The following ZNF131 variants were observed in gnomAD, a reference collection of about 807,000 sequenced individuals.
ZNF131 encodes zinc finger and BTB domain containing 35, also known as zinc finger protein 131.
In ZNF131, 7 loss-of-function variants were observed where a neutral mutation model predicts 60.0. That is an observed-to-expected ratio of 0.12 (90% CI 0.07 to 0.22). The LOEUF is 0.22. Ranked by LOEUF, ZNF131 falls within the 10% of genes least tolerant of loss-of-function variation. The probability of loss-of-function intolerance (pLI) is 1.00; values close to 1 mark genes in which losing one functional copy is unlikely to be tolerated. For synonymous variants in ZNF131, 257 were observed against 253.2 expected (o/e 1.01, Z -0.14); for missense variants, 493 against 740.9 (o/e 0.67, Z 3.88).
intron 2 of ZNF131, 130 bp from the exon 3 acceptor site, chr5:43,123,079 A>T (rs1272613143): frequency 9.4e-6 from 6 of 635,444 alleles, no homozygotes; most frequent in Non-Finnish European, 1.6e-5. Context: ...CATTTAGTTC[A>T]ATAATTTCTG....
At chr5:43,155,232 A>G (rs1477775418) in intron 4 of ZNF131, among the ~76,000 whole-genome samples, 2 of 152,210 alleles carry the variant, frequency 1.3e-5, no homozygotes, top group Non-Finnish European at 2.9e-5. Context: ...CTATTTGACA[A>G]GTGACACTTG....
intron 4 of ZNF131, among the ~76,000 whole-genome samples, chr5:43,143,898 C>CTTTTTTGTT (rs1747191010): frequency 2.9e-5 from 1 of 34,974 alleles, no homozygotes; most frequent in Non-Finnish European, 5.0e-5. Context: ...ATTGTCAGAG[C>CTTTTTTGTT]TTTTTTTTTT....
intron 5 of ZNF131, among the ~76,000 whole-genome samples, chr5:43,170,015 C>A (rs569474899): frequency 6.6e-6 from 1 of 152,228 alleles, no homozygotes; most frequent in South Asian, 2.1e-4. Flanking sequence ...TGGTCTCAAA[C>A]TCCTGACCTT....
At chr5:43,162,520 AG>A in intron 5 of ZNF131, among the ~76,000 whole-genome samples, 1 of 148,152 alleles carries the variant, frequency 6.7e-6, no homozygotes, top group Middle Eastern at 3.4e-3. Flanking sequence ...TGAACCCGGG[AG>A]GCAGAGGTTG....
At position 43,154,757 on chromosome 5, in the gene ZNF131, C is replaced by G. The variant is rs145475818; in HGVS notation, c.372-6492C>G. On this transcript the variant is annotated intron_variant, in intron 4 of 6. Transcript: ENST00000682664. The stretch of plus-strand genomic sequence containing the variant: ...GGTTAGCATCTTGATTCCAGTTGGT[C>G]TCATTAGAGAATAGTCCCTTATCTT... Among the ~76,000 whole-genome samples the G allele has an allele frequency of 4.9e-3, 744 of 152,292 alleles. 4 individuals are homozygous for G. The highest frequency in any genetic ancestry group is 0.017 in the African/African-American group (719 of 41,550).
Position 43,170,599 on chromosome 5 carries a change from C to T in ZNF131, c.1055-2719C>T, listed in dbSNP as rs116432694. Among the ~76,000 whole-genome samples, 793 of 152,200 alleles carry T rather than the reference C, an allele frequency of 5.2e-3. 3 individuals carry two copies. Among genetic ancestry groups the T allele is most frequent in the African/African-American group, 0.018 (762 of 41,526 alleles). Reference sequence around the variant, plus strand: ...TCCAGCAGATTACTTATCTTCCAACCCCCAACTTACCTGTAACAGCATTCA... The same window carrying T: ...TCCAGCAGATTACTTATCTTCCAACTCCCAACTTACCTGTAACAGCATTCA... On this transcript the variant is annotated intron_variant, in intron 5 of 6. Coordinates refer to ENST00000682664, the MANE Select transcript of ZNF131 (RefSeq NM_001330707.2).
chr5:43,173,547 GC>G, intron 6 of ZNF131, 99 bp downstream of exon 6: 1 of 1,398,080 alleles, frequency 7.2e-7, no homozygotes, highest in Non-Finnish European at 9.5e-7. Context: ...AGGTATAGGG[GC>G]TGACGGTTTG....
chr5:43,141,528 G>C (rs992938549), intron 4 of ZNF131, among the ~76,000 whole-genome samples: 6 of 152,062 alleles, frequency 3.9e-5, no homozygotes, highest in Non-Finnish European at 7.4e-5. Context: ...AGCACTTTGG[G>C]AGGCCAAGGT....
chr5:43,170,731 C>T (rs1323990690), intron 5 of ZNF131, among the ~76,000 whole-genome samples: 2 of 150,500 alleles, frequency 1.3e-5, no homozygotes, highest in Admixed American at 1.3e-4. Context: ...CTCCCAGGTT[C>T]AAGTGATTCT....
At chr5:43,122,269 T>C (rs11287008) in intron 2 of ZNF131, 92 bp downstream of exon 2, 1 of 1,096,116 alleles carries the variant, frequency 9.1e-7, no homozygotes, top group Non-Finnish European at 1.3e-6. Context: ...TTTTTTTTTT[T>C]AACCCATCCT....
At chr5:43,131,200 G>T (rs945171385) in intron 3 of ZNF131, among the ~76,000 whole-genome samples, 19 of 151,174 alleles carry the variant, frequency 1.3e-4, no homozygotes, top group African/African-American at 4.6e-4. Context: ...TTGAGATGGA[G>T]TTTTGCTCGT....
rs554306306 is a variant in ZNF131 at position 43,143,945 on chromosome 5, C to T, written c.371+4636C>T. Among the ~76,000 whole-genome samples, 144 of 101,092 alleles carry T rather than the reference C, an allele frequency of 1.4e-3. 2 individuals carry two copies. In the Middle Eastern group the frequency reaches 0.041, roughly 29 times the overall value. 66.3% of individuals were successfully genotyped at this position (101,092 alleles called of 152,430 possible). On this transcript the variant is annotated intron_variant, in intron 4 of 6. Transcript: ENST00000682664. ...TTTTTTTTTTTTTTTTTCCTTGAGA[C>T]GGAGTCTCGCTCTGTCCCCAAGACT...
intron 1 of ZNF131, 180 bp from the exon 2 acceptor site, chr5:43,121,859 C>G: frequency 3.6e-6 from 2 of 556,404 alleles, no homozygotes; most frequent in East Asian, 3.7e-5. Flanking sequence ...GCCGCGGCTC[C>G]GGTCTCAACG....
intron 5 of ZNF131, among the ~76,000 whole-genome samples, chr5:43,163,028 G>A (rs1390348616): frequency 8.0e-6 from 1 of 125,184 alleles, no homozygotes; most frequent in African/African-American, 3.0e-5. Flanking sequence ...CTGGAGTGCA[G>A]TGGCACGATC....
At chr5:43,173,489 C>A (rs1751239384) in intron 6 of ZNF131, 41 bp downstream of exon 6, 1 of 1,588,006 alleles carries the variant, frequency 6.3e-7, no homozygotes, top group East Asian at 2.2e-5. Context: ...ACAAAGGAGT[C>A]TTGTGTTTGC....
intron 4 of ZNF131, among the ~76,000 whole-genome samples, chr5:43,150,887 G>A (rs1405502502): frequency 6.6e-6 from 1 of 152,256 alleles, no homozygotes; most frequent in East Asian, 1.9e-4. Flanking sequence ...AGCAGGATTT[G>A]GGCACCCTGC....
intron 5 of ZNF131, 94 bp downstream of exon 5, chr5:43,162,025 G>C: frequency 8.4e-7 from 1 of 1,186,170 alleles, no homozygotes; most frequent in Non-Finnish European, 1.2e-6. Context: ...TGCCTCAGAA[G>C]CCATCTCATG....
intron 3 of ZNF131, among the ~76,000 whole-genome samples, chr5:43,135,118 C>T (rs1745904644): frequency 6.6e-6 from 1 of 151,976 alleles, no homozygotes; most frequent in Non-Finnish European, 1.5e-5. Context: ...CCTGCCTCAG[C>T]CTCCCGAGTA....
At chr5:43,145,806 G>A (rs895960848) in intron 4 of ZNF131, among the ~76,000 whole-genome samples, 9 of 152,126 alleles carry the variant, frequency 5.9e-5, no homozygotes, top group Non-Finnish European at 1.2e-4. Context: ...AATAGTGAGT[G>A]GCCAGGCAAG....
Sources: allele counts gnomAD v4.1 joint callset (sites outside exome capture counted in the v4.1 genomes callset), GRCh38; gene constraint gnomAD v4.1.1; transcripts MANE v1.5; gene names NCBI Gene and HGNC (gene_info 2026-07-23, HGNC 2026-07-21).